Variants in C1orf94 observed in about 807,000 individuals in gnomAD.
C1orf94 encodes the protein chromosome 1 open reading frame 94, also known as uncharacterized protein C1orf94.
In C1orf94, 45 loss-of-function variants were observed where a neutral mutation model predicts 53.6. The ratio of observed to expected loss-of-function variants is 0.84; its 90% CI spans 0.66 to 1.08. The LOEUF is 1.08. Among genes scored for constraint, C1orf94 ranks in the 50% least tolerant of loss-of-function variants. The pLI, the probability that C1orf94 is intolerant of heterozygous loss-of-function variation, is 0.00. For synonymous variants in C1orf94, 304 were observed against 296.1 expected, an observed-to-expected ratio of 1.03 and a Z score of -0.27; for missense variants, 762 against 738.9, an observed-to-expected ratio of 1.03 and a Z score of -0.36.
intron 1 of C1orf94, among the ~76,000 whole-genome samples, chr1:34,192,562 G>A (rs562918283): frequency 6.6e-6 from 1 of 152,308 alleles, no homozygotes; most frequent in East Asian, 1.9e-4. Context: ...ACTGTTCTAG[G>A]TTTGGAGGCC....
chr1:34,208,728 G>A (rs1395431693), intron 5 of C1orf94, among the ~76,000 whole-genome samples: 1 of 152,144 alleles, frequency 6.6e-6, no homozygotes, highest in Non-Finnish European at 1.5e-5. Context: ...GGTTCCATGT[G>A]CCTCTCCTGG....
rs190857762 is a variant in C1orf94, at chr1:34,181,677, T to G, written c.320+3568T>G. On this transcript the variant is annotated intron_variant, in intron 1 of 6. Coordinates refer to ENST00000488417, the MANE Select transcript of C1orf94 (RefSeq NM_001134734.2). ...TATCTTCAGAATGTGAAAAGAATGGTATTCCCAGTGGAGGAGACCCATAAG... is the reference window on the plus strand; with the variant it reads ...TATCTTCAGAATGTGAAAAGAATGGGATTCCCAGTGGAGGAGACCCATAAG... 2.6e-5 allele frequency among the ~76,000 whole-genome samples: 4 copies of G among 152,284 alleles called. No individual in the cohort carries two copies. In the East Asian group the frequency reaches 7.7e-4, roughly 29 times the overall value.
At chr1:34,182,749 G>C (rs1642329039) in intron 1 of C1orf94, among the ~76,000 whole-genome samples, 1 of 152,192 alleles carries the variant, frequency 6.6e-6, no homozygotes, top group South Asian at 2.1e-4. Context: ...TGACTGGGGT[G>C]TTGAGACCGA....
intron 1 of C1orf94, among the ~76,000 whole-genome samples, chr1:34,181,480 A>C (rs116635391): frequency 2.3e-4 from 35 of 152,160 alleles, no homozygotes; most frequent in African/African-American, 8.0e-4. Flanking sequence ...TCAATCTCTT[A>C]ATTCATTCAT....
chr1:34,210,660 GTT>G (rs758659664), intron 5 of C1orf94, among the ~76,000 whole-genome samples: 4 of 143,846 alleles, frequency 2.8e-5, no homozygotes, highest in South Asian at 2.2e-4. Flanking sequence ...TTTGTGGATT[GTT>G]TTTTTTTTTT....
intron 1 of C1orf94, among the ~76,000 whole-genome samples, chr1:34,188,038 G>A (rs1000918428): frequency 1.2e-4 from 19 of 152,106 alleles, no homozygotes; most frequent in African/African-American, 4.3e-4. Flanking sequence ...GCGAGATTCT[G>A]GGGAAAACGG....
At chr1:34,214,516 G>C (rs1004417444) in intron 6 of C1orf94, among the ~76,000 whole-genome samples, 8 of 152,192 alleles carry the variant, frequency 5.3e-5, no homozygotes, top group Admixed American at 1.3e-4. Flanking sequence ...GGTGAGAATA[G>C]AGACCCAGAC....
At chr1:34,207,119 G>C (rs567464738) in intron 4 of C1orf94, among the ~76,000 whole-genome samples, 2 of 152,116 alleles carry the variant, frequency 1.3e-5, no homozygotes, top group African/African-American at 4.8e-5. Context: ...GCAGCCTCTC[G>C]GGCAGCAGAT....
Position 34,178,045 on chromosome 1 carries a change from A to T in C1orf94, c.256A>T (p.Met86Leu), listed in dbSNP as rs1326665958. Residue 86 changes from methionine to leucine, a missense_variant, in exon 1 of 7, where the codon ATG becomes TTG. Physicochemically the swap from Met to Leu is conservative, Grantham distance 15. Transcript: ENST00000488417. ...TGAGGCCTCACAGCCCTGGACCTCC[A>T]TGGAGCAGCTCTCTGTCCCTGTGGT... ...LPEASQPWTS[M>L]EQLSVPVVGT... is the part of the protein sequence containing the mutation. 4 of 1,551,610 alleles carry T rather than the reference A, an allele frequency of 2.6e-6. No homozygotes were observed. The East Asian group carries it at 7.3e-5, about 28-fold the overall frequency.
chr1:34,212,335 G>A lies in C1orf94; in HGVS notation c.1650G>A (p.Met550Ile), dbSNP rs1278768263. The A allele has an allele frequency of 4.2e-5, 67 of 1,613,776 alleles. No homozygotes were observed. Among genetic ancestry groups the A allele is most frequent in the Non-Finnish European group, 5.4e-5 (64 of 1,179,906 alleles). ...ACCCTCAGAGGACACCTCCAAAGAT[G>A]TCTGCCAACCCCCGAGACCCTCCCC... is the stretch of plus-strand genomic sequence containing the variant. ...YPYPQRTPPK[M>I]SANPRDPPLM... The change falls in exon 6 of 7, where the codon ATG becomes ATA. Residue 550 changes from methionine to isoleucine, a missense_variant. Physicochemically the swap from Met to Ile is conservative, Grantham distance 10. Transcript: ENST00000488417.
chr1:34,207,376 C>G (rs1195724944), intron 4 of C1orf94, among the ~76,000 whole-genome samples: 1 of 151,990 alleles, frequency 6.6e-6, no homozygotes, highest in Non-Finnish European at 1.5e-5. Flanking sequence ...TCCCATCTGG[C>G]TGAACTGCCA....
At chr1:34,172,056 C>A (rs1234111129), upstream of C1orf94, among the ~76,000 whole-genome samples, 1 of 152,182 alleles carries the variant, frequency 6.6e-6, no homozygotes, top group African/African-American at 2.4e-5. Flanking sequence ...ATTTTAGTGA[C>A]CAATGTCCCG....
chr1:34,185,095 C>T (rs1642365877), intron 1 of C1orf94, among the ~76,000 whole-genome samples: 1 of 152,186 alleles, frequency 6.6e-6, no homozygotes, highest in East Asian at 1.9e-4. Context: ...TTCAGAGACC[C>T]CGTGGGCCAC....
chr1:34,214,098 CAAT>C (rs1304852584), intron 6 of C1orf94, among the ~76,000 whole-genome samples: 2 of 152,186 alleles, frequency 1.3e-5, no homozygotes, highest in African/African-American at 4.8e-5. Context: ...GTGGGCACAA[CAAT>C]GTTAGTGCCC....
chr1:34,169,752 A>G, intron 1 of C1orf94, among the ~76,000 whole-genome samples: 1 of 152,232 alleles, frequency 6.6e-6, no homozygotes, highest in South Asian at 2.1e-4. Context: ...TTAGGATCCC[A>G]AATGGGGCAC....
Position 34,200,922 on chromosome 1 carries a change from C to G in C1orf94, c.1160C>G (p.Thr387Arg), listed in dbSNP as rs750560713. The change falls in exon 3 of 7, where the codon ACA becomes AGA. Residue 387 changes from threonine (T) to arginine (R), a missense_variant. Transcript: ENST00000488417. ...ASLTLPPKKP[T>R]CPAEKNLLYE... Reference sequence around the variant, plus strand: ...CTGACCCTGCCGCCCAAGAAACCTACATGTCCAGCCGAGAAGAACTTGCTC... The same window carrying G: ...CTGACCCTGCCGCCCAAGAAACCTAGATGTCCAGCCGAGAAGAACTTGCTC... The G allele has an allele frequency of 5.6e-6, 9 of 1,614,192 alleles. No homozygotes were observed. Among genetic ancestry groups the G allele is most frequent in the Middle Eastern group, 1.6e-4 (1 of 6,062 alleles).
rs911449902 is a variant in C1orf94 at position 34,196,027 on chromosome 1, G to A, written c.321-1198G>A. Reference sequence around the variant, plus strand: ...GGTCTTCATCATCTTCTCCTTCAGCGCTCCCATGATAGAAGGCTGAGTAGT... The same window carrying A: ...GGTCTTCATCATCTTCTCCTTCAGCACTCCCATGATAGAAGGCTGAGTAGT... On this transcript the variant is annotated intron_variant, in intron 1 of 6. Transcript: ENST00000488417. 8.5e-5 allele frequency among the ~76,000 whole-genome samples: 13 copies of A among 152,092 alleles called. No homozygotes were observed. The East Asian group carries it at 1.9e-3, about 23-fold the overall frequency.
intron 6 of C1orf94, among the ~76,000 whole-genome samples, chr1:34,216,735 A>G (rs764119436): frequency 2.9e-4 from 44 of 152,170 alleles, no homozygotes; most frequent in Non-Finnish European, 2.6e-4. Context: ...TAACCATACA[A>G]TTTATCTTCC....
chr1:34,196,350 T>C (rs937483149), intron 1 of C1orf94, among the ~76,000 whole-genome samples: 5 of 152,028 alleles, frequency 3.3e-5, no homozygotes, highest in Admixed American at 6.5e-5. Flanking sequence ...TTGAGGCCAT[T>C]ATTTAGGTTC....
Sources: allele counts gnomAD v4.1 joint callset (sites outside exome capture counted in the v4.1 genomes callset), GRCh38; gene constraint gnomAD v4.1.1; transcripts MANE v1.5; gene names NCBI Gene and HGNC (gene_info 2026-07-23, HGNC 2026-07-21).